PTBP2: variants seen among roughly 807,000 people sequenced by gnomAD.
The protein encoded by PTBP2 is polypyrimidine tract binding protein 2.
In PTBP2, 13 loss-of-function variants were observed where a neutral mutation model predicts 61.4. That is an observed-to-expected ratio of 0.21 (90% CI 0.14 to 0.34). The LOEUF (loss-of-function observed/expected upper bound fraction) is 0.34, where lower values mean the gene tolerates loss of function less well. Among genes scored for constraint, PTBP2 ranks in the 10% least tolerant of loss-of-function variants. PTBP2 has a pLI of 1.00. For synonymous variants in PTBP2, 215 were observed against 218.5 expected (o/e 0.98, Z 0.14); for missense variants, 405 against 642.6 (o/e 0.63, Z 4.00).
At chr1:96,761,537 G>A (rs528040370) in intron 3 of PTBP2, among the ~76,000 whole-genome samples, 6 of 78,988 alleles carry the variant, frequency 7.6e-5, no homozygotes, top group African/African-American at 4.3e-4. Flanking sequence ...GAATTTTAGG[G>A]TCTTGGAAGG....
chr1:96,815,867 ACT>A (rs1241451599), downstream of PTBP2: 1 of 152,120 alleles, frequency 6.6e-6, no homozygotes, highest in Non-Finnish European at 1.5e-5. Flanking sequence ...GCACAGAGGA[ACT>A]CTACCAGCAT....
At chr1:96,737,579 G>T (rs529133248) in intron 2 of PTBP2, among the ~76,000 whole-genome samples, 1 of 152,292 alleles carries the variant, frequency 6.6e-6, no homozygotes, top group African/African-American at 2.4e-5. Flanking sequence ...TTGTCTGGTT[G>T]CAGGAAAGAG....
Position 96,751,499 on chromosome 1 carries a change from A to C in PTBP2, c.114A>C (p.Thr38=), listed in dbSNP as rs146408507. ...CTAATATGAGCAGCATGGTAGTTAC[A>C]GGTAAGTGTTACTCTCTTAGCAGTC... The part of the protein sequence containing the change: ...PNSNMSSMVV[T]ANGNDSKKFK... Residue 38 remains threonine (T), a splice_region_variant and synonymous_variant, in exon 3 of 14, where the codon ACA becomes ACC. Coordinates refer to ENST00000674951, the MANE Select transcript of PTBP2 (RefSeq NM_021190.4). 2.5e-6 allele frequency: 4 copies of C among 1,610,188 alleles called. No homozygotes were observed. In the East Asian group the frequency reaches 8.9e-5, roughly 36 times the overall value.
downstream of PTBP2, chr1:96,815,083 A>G (rs1001226901): frequency 2.0e-5 from 3 of 152,530 alleles, no homozygotes; most frequent in Non-Finnish European, 2.9e-5. Context: ...AAAAGATGGT[A>G]ACTGCTTTTC....
rs537852917 is a variant in PTBP2, at chr1:96,762,458, C to T, written c.116-7245C>T. Among the ~76,000 whole-genome samples, 123 of 146,922 alleles carry T rather than the reference C, an allele frequency of 8.4e-4. 1 individual carries two copies. Among genetic ancestry groups the T allele is most frequent in the South Asian group, 4.3e-3 (20 of 4,642 alleles). The stretch of plus-strand genomic sequence containing the variant: ...CCGGGCGGGGGGCTGACCCCCCCAC[C>T]TCCCTCCCGGACGGGGCGGCTGGCC... On this transcript the variant is annotated intron_variant, in intron 3 of 13. Coordinates refer to ENST00000674951, the MANE Select transcript of PTBP2 (RefSeq NM_021190.4).
chr1:96,738,735 AAT>A (rs1349945349), intron 2 of PTBP2, among the ~76,000 whole-genome samples: 1 of 152,090 alleles, frequency 6.6e-6, no homozygotes, highest in Non-Finnish European at 1.5e-5. Context: ...GTACAATTCA[AAT>A]ATATGTCGGT....
chr1:96,802,211 G>GAAAA lies in PTBP2; in HGVS notation c.905-2570_905-2567dup, dbSNP rs5776325. ...GAGAGACACAGCGAGACTCCGTCTC[G>GAAAA]AAAAAAAAAAAAAAAAAAAAAAGAA... is the stretch of plus-strand genomic sequence containing the variant. On this transcript the variant is annotated intron_variant, in intron 8 of 13. Coordinates refer to ENST00000674951, the MANE Select transcript of PTBP2 (RefSeq NM_021190.4). Among the ~76,000 whole-genome samples the GAAAA allele has an allele frequency of 8.1e-3, 438 of 53,912 alleles. 14 individuals are homozygous for GAAAA. Among genetic ancestry groups the GAAAA allele is most frequent in the African/African-American group, 0.031 (382 of 12,206 alleles). The allele number at this position is 53,912 out of a possible 152,430, so 35.4% of individuals were successfully genotyped here. A position where few individuals can be genotyped will look rare whatever the true frequency, so the allele number is the denominator to read the frequency against.
chr1:96,778,031 A>T (rs762168378), intron 7 of PTBP2, 85 bp downstream of exon 7: 39 of 575,786 alleles, frequency 6.8e-5, no homozygotes, highest in Non-Finnish European at 1.1e-4. Context: ...ATACTTAATG[A>T]TATCTTGTAG....
rs147935516 is a variant in PTBP2 at position 96,787,064 on chromosome 1, G to A, written c.904+1810G>A. Among the ~76,000 whole-genome samples, 151 of 152,068 alleles carry A rather than the reference G, an allele frequency of 9.9e-4. 1 individual carries two copies. The highest frequency in any genetic ancestry group is 5.2e-3 in the South Asian group (25 of 4,800). On this transcript the variant is annotated intron_variant, in intron 8 of 13. Coordinates refer to ENST00000674951, the MANE Select transcript of PTBP2 (RefSeq NM_021190.4). ...GAGATGGAATCTCACTCTGTCGCCC[G>A]TGTCAGAGTGTGGTGGCGCAGTCTC... is the stretch of plus-strand genomic sequence containing the variant.
At chr1:96,792,103 C>T (rs1471540866) in intron 8 of PTBP2, among the ~76,000 whole-genome samples, 1 of 152,008 alleles carries the variant, frequency 6.6e-6, no homozygotes, top group African/African-American at 2.4e-5. Flanking sequence ...TCCCAAAGTG[C>T]TGGGATTACG....
intron 1 of PTBP2, 125 bp downstream of exon 1, chr1:96,721,997 C>T: frequency 7.8e-7 from 1 of 1,285,612 alleles, no homozygotes; most frequent in Non-Finnish European, 1.1e-6. Flanking sequence ...GTTACCCAAC[C>T]CCCGCCCCAT....
intron 5 of PTBP2, among the ~76,000 whole-genome samples, chr1:96,776,269 A>G (rs752040655): frequency 2.6e-5 from 4 of 152,042 alleles, no homozygotes; most frequent in Admixed American, 2.6e-4. Context: ...ATTTAAATAC[A>G]TTTAAACATT....
In PTBP2 at chr1:96,721,858, T is replaced by G; in HGVS notation, c.-7T>G. Reference sequence around the variant, plus strand: ...TTCTTGTGAGCGAAGCTTTGTCCGGTTCGGCAATGGACGGGTATGTAATCG... The same window carrying G: ...TTCTTGTGAGCGAAGCTTTGTCCGGGTCGGCAATGGACGGGTATGTAATCG... On this transcript the variant is annotated 5_prime_UTR_variant, in exon 1 of 14. Transcript: ENST00000674951. 6.4e-7 allele frequency: 1 copy of G among 1,571,756 alleles called. No individual in the cohort carries two copies. Among genetic ancestry groups the G allele is most frequent in the Middle Eastern group, 1.7e-4 (1 of 6,014 alleles).
intron 2 of PTBP2, among the ~76,000 whole-genome samples, chr1:96,736,283 A>T (rs1264650622): frequency 6.6e-6 from 1 of 152,248 alleles, no homozygotes; most frequent in African/African-American, 2.4e-5. Flanking sequence ...AAGTGAGGCT[A>T]ATCAAGAAAT....
downstream of PTBP2, chr1:96,819,635 T>C (rs537203649): frequency 2.0e-5 from 3 of 151,142 alleles, no homozygotes; most frequent in South Asian, 2.1e-4. Flanking sequence ...TCAGGTGTTA[T>C]GCTATTTTTA....
At chr1:96,805,871 T>G (rs988491340) in intron 9 of PTBP2, among the ~76,000 whole-genome samples, 5 of 152,142 alleles carry the variant, frequency 3.3e-5, no homozygotes, top group African/African-American at 1.2e-4. Context: ...CTATGCATGC[T>G]TTCCTTCCCT....
At chr1:96,801,194 G>A (rs1022154414) in intron 8 of PTBP2, among the ~76,000 whole-genome samples, 1 of 152,036 alleles carries the variant, frequency 6.6e-6, no homozygotes, top group Admixed American at 6.6e-5. Flanking sequence ...TTTCAGGAGG[G>A]AAAAATGAGT....
At chr1:96,789,223 C>A (rs1200753178) in intron 8 of PTBP2, among the ~76,000 whole-genome samples, 2 of 151,064 alleles carry the variant, frequency 1.3e-5, no homozygotes, top group Non-Finnish European at 3.0e-5. Flanking sequence ...GAATAACAGG[C>A]ATTCTCATCA....
At chr1:96,765,242 A>G (rs57377143) in intron 3 of PTBP2, among the ~76,000 whole-genome samples, 6,823 of 152,256 alleles carry the variant, frequency 0.045, 479 homozygotes, top group African/African-American at 0.15. Context: ...AAAGAGAGTT[A>G]GGAAAACTTT....
Sources: allele counts gnomAD v4.1 joint callset (sites outside exome capture counted in the v4.1 genomes callset), GRCh38; gene constraint gnomAD v4.1.1; transcripts MANE v1.5; gene names NCBI Gene and HGNC (gene_info 2026-07-23, HGNC 2026-07-21).